Variants in IFNGR2 observed in about 807,000 individuals in gnomAD.
IFNGR2 encodes interferon gamma receptor 2, also known as IFN-gamma receptor 2.
A neutral mutation model predicts 41.1 loss-of-function variants in IFNGR2; 15 were observed. The ratio of observed to expected loss-of-function variants is 0.37; its 90% CI spans 0.24 to 0.56. IFNGR2 has a LOEUF of 0.56. Among genes scored for constraint, IFNGR2 ranks in the 20% least tolerant of loss-of-function variants. The pLI is 0.81. For synonymous variants in IFNGR2, 161 were observed against 171.6 expected, an observed-to-expected ratio of 0.94 and a Z score of 0.48; for missense variants, 362 against 415.7, an observed-to-expected ratio of 0.87 and a Z score of 1.12.
At position 33,436,985 on chromosome 21, in the gene IFNGR2, C is replaced by A; in HGVS notation, c.*23C>A. The A allele has an allele frequency of 6.2e-6, 10 of 1,613,266 alleles. No homozygotes were observed. The highest frequency in any genetic ancestry group is 8.5e-6 in the Non-Finnish European group (10 of 1,179,346). ...TGAACCAAAGCATGGGCCTAGCCCA[C>A]TGGCTCCCTGGAAGAGATCAAGCCA... On this transcript the variant is annotated 3_prime_UTR_variant, in exon 7 of 7. Coordinates refer to ENST00000290219, the MANE Select transcript of IFNGR2 (RefSeq NM_005534.4).
At chr21:33,410,714 C>A in intron 1 of IFNGR2, 1 of 684,126 alleles carries the variant, frequency 1.5e-6, no homozygotes, top group Non-Finnish European at 2.6e-6. Context: ...GTGATCCGCC[C>A]ACCTCAGCCT....
At position 33,421,704 on chromosome 21, in the gene IFNGR2, A is replaced by G; in HGVS notation, c.412+19A>G. 6.3e-6 allele frequency: 10 copies of G among 1,586,938 alleles called. No individual in the cohort carries two copies. The highest frequency in any genetic ancestry group is 8.7e-6 in the Non-Finnish European group (10 of 1,155,276). ...CGGAATGGTAAGAGAACTTGAGTAT[A>G]GAACTTCCTTTATACTTTCCAGGTT... On this transcript the variant is annotated intron_variant, in intron 3 of 6. Coordinates refer to ENST00000290219, the MANE Select transcript of IFNGR2 (RefSeq NM_005534.4).
rs150137842 is a variant in IFNGR2, at chr21:33,421,504, C to T, written c.231C>T (p.Ala77=). 1.3e-4 allele frequency: 202 copies of T among 1,613,732 alleles called. No homozygotes were observed. The highest frequency in any genetic ancestry group is 1.8e-5 in the Non-Finnish European group (21 of 1,179,892). Residue 77 remains alanine (A), a synonymous_variant, in exon 3 of 7, where the codon GCC becomes GCT. Transcript: ENST00000290219. ...GCACCGACAGTAAATGGTTCACGGC[C>T]GACATCATGTCCATAGGGGTGAATT... ...FKYTDSKWFT[A]DIMSIGVNCT...
intron 6 of IFNGR2, among the ~76,000 whole-genome samples, chr21:33,436,087 G>GT (rs1433854383): frequency 1.3e-5 from 2 of 151,764 alleles, no homozygotes; most frequent in Non-Finnish European, 2.9e-5. Flanking sequence ...GCCGGGTGCA[G>GT]TGGCTCACAC....
intron 1 of IFNGR2, 90 bp downstream of exon 1, chr21:33,403,706 A>G: frequency 1.2e-6 from 1 of 835,220 alleles, no homozygotes; most frequent in Non-Finnish European, 1.6e-6. Context: ...GGTGGGGGGA[A>G]TCTGCCGGGT....
chr21:33,433,362 G>A (rs1358689721), intron 6 of IFNGR2, among the ~76,000 whole-genome samples: 3 of 152,316 alleles, frequency 2.0e-5, no homozygotes, highest in South Asian at 2.1e-4. Flanking sequence ...GAAGCACTCC[G>A]GTGTCGTTGA....
chr21:33,432,445 A>G, intron 5 of IFNGR2, 109 bp downstream of exon 5: 1 of 1,067,570 alleles, frequency 9.4e-7, no homozygotes, highest in Non-Finnish European at 1.4e-6. Flanking sequence ...GGGGAGACCC[A>G]GTGAGAAGAG....
intron 1 of IFNGR2, among the ~76,000 whole-genome samples, chr21:33,413,721 G>A (rs2083732174): frequency 6.6e-6 from 1 of 151,930 alleles, no homozygotes; most frequent in African/African-American, 2.4e-5. Context: ...CTTGGGGAAG[G>A]GAGAGGTTGT....
chr21:33,427,568 G>A lies in IFNGR2; in HGVS notation c.561+536G>A, dbSNP rs77276327. 2.8e-4 allele frequency among the ~76,000 whole-genome samples: 43 copies of A among 152,292 alleles called. No individual in the cohort carries two copies. In the East Asian group the frequency reaches 7.9e-3, roughly 28 times the overall value. On this transcript the variant is annotated intron_variant, in intron 4 of 6. Coordinates refer to ENST00000290219, the MANE Select transcript of IFNGR2 (RefSeq NM_005534.4). Reference sequence around the variant, plus strand: ...GATTGGTCAGAAATGCAATCCACAAGGGGCTGTGGCAGGTGCTCACGTTGA... The same window carrying A: ...GATTGGTCAGAAATGCAATCCACAAAGGGCTGTGGCAGGTGCTCACGTTGA...
At chr21:33,436,804 A>T in intron 6 of IFNGR2, 24 bp from the exon 7 acceptor site, 1 of 1,611,114 alleles carries the variant, frequency 6.2e-7, no homozygotes, top group South Asian at 1.1e-5. Context: ...ACTAATTACA[A>T]TTTTGCTTTC....
chr21:33,417,134 C>CA (rs929280383), intron 2 of IFNGR2, among the ~76,000 whole-genome samples: 3 of 151,826 alleles, frequency 2.0e-5, no homozygotes, highest in African/African-American at 7.3e-5. Context: ...CTCTGCCCCC[C>CA]AGGCTGGAGT....
intron 2 of IFNGR2, among the ~76,000 whole-genome samples, chr21:33,416,692 G>T (rs1040538853): frequency 1.3e-5 from 2 of 151,590 alleles, no homozygotes; most frequent in Non-Finnish European, 3.0e-5. Context: ...TGTAGTGGCG[G>T]GCGCCTGTAG....
At chr21:33,426,282 G>A (rs1051702143) in intron 3 of IFNGR2, among the ~76,000 whole-genome samples, 6 of 152,008 alleles carry the variant, frequency 3.9e-5, no homozygotes, top group South Asian at 2.1e-4. Flanking sequence ...GTATGGTGGC[G>A]TGTGCCTGTA....
rs1273541508 is a variant in IFNGR2 at position 33,413,095 on chromosome 21, C to G, written c.74-1793C>G. Among the ~76,000 whole-genome samples, 3 of 152,146 alleles carry G rather than the reference C, an allele frequency of 2.0e-5. No homozygotes were observed. The East Asian group carries it at 5.8e-4, about 29-fold the overall frequency. The stretch of plus-strand genomic sequence containing the variant: ...GAAATTTCTCTGCATAGTTCGGATG[C>G]TATTCAGATCTGTCTGTGTGACTGT... On this transcript the variant is annotated intron_variant, in intron 1 of 6. Coordinates refer to ENST00000290219, the MANE Select transcript of IFNGR2 (RefSeq NM_005534.4).
At chr21:33,416,821 CAAA>C (rs11356057) in intron 2 of IFNGR2, among the ~76,000 whole-genome samples, 12 of 114,042 alleles carry the variant, frequency 1.1e-4, no homozygotes, top group Non-Finnish European at 1.3e-4. Flanking sequence ...GACTCCATCT[CAAA>C]AAAAAAAAAA....
chr21:33,432,760 T>C lies in IFNGR2; in HGVS notation c.768T>C (p.Phe256=), dbSNP rs1381930183. Residue 256 remains phenylalanine, a synonymous_variant, in exon 6 of 7, where the codon TTT becomes TTC. Transcript: ENST00000290219. The part of the protein sequence containing the change: ...QQVILISVGT[F]SLLSVLAGAC... The stretch of plus-strand genomic sequence containing the variant: ...TCATCCTGATCTCCGTGGGAACATT[T>C]TCGTTGCTGTCGGTGCTGGCAGGAG... The C allele has an allele frequency of 3.1e-6, 5 of 1,614,136 alleles. No individual in the cohort carries two copies. In the East Asian group the frequency reaches 1.1e-4, roughly 36 times the overall value.
At chr21:33,416,925 CTTTT>C (rs554788768) in intron 2 of IFNGR2, among the ~76,000 whole-genome samples, 6 of 128,250 alleles carry the variant, frequency 4.7e-5, no homozygotes, top group Non-Finnish European at 1.0e-4. Flanking sequence ...TTTTCTTTTT[CTTTT>C]TTTTTTTTTT....
At chr21:33,411,876 A>G (rs886306241) in intron 1 of IFNGR2, among the ~76,000 whole-genome samples, 1 of 152,358 alleles carries the variant, frequency 6.6e-6, no homozygotes, top group South Asian at 2.1e-4. Flanking sequence ...CAGCAGAACT[A>G]TAAGAAAATA....
intron 3 of IFNGR2, among the ~76,000 whole-genome samples, chr21:33,422,025 C>A (rs1298594352): frequency 6.6e-6 from 1 of 152,204 alleles, no homozygotes; most frequent in Non-Finnish European, 1.5e-5. Flanking sequence ...AGCTGTTGAG[C>A]CTGCAAAGTC....
Sources: allele counts gnomAD v4.1 joint callset (sites outside exome capture counted in the v4.1 genomes callset), GRCh38; gene constraint gnomAD v4.1.1; transcripts MANE v1.5; gene names NCBI Gene and HGNC (gene_info 2026-07-23, HGNC 2026-07-21).